The following EPM2A variants were observed in gnomAD, a reference collection of about 807,000 sequenced individuals.
EPM2A encodes laforin.
In EPM2A, 21 loss-of-function variants were observed where a neutral mutation model predicts 26.5. The observed-to-expected ratio is 0.79, with a 90% CI of 0.56 to 1.14. EPM2A has a LOEUF of 1.14. Ranked by LOEUF, EPM2A falls within the 50% of genes most tolerant of loss-of-function variation. The pLI, the probability that EPM2A is intolerant of heterozygous loss-of-function variation, is 0.00. For missense variants in EPM2A, 458 were observed against 440.8 expected (o/e 1.04, Z -0.35); for synonymous variants, 217 against 177.6 (o/e 1.22, Z -1.76).
intron 2 of EPM2A, among the ~76,000 whole-genome samples, chr6:145,666,959 A>C (rs1339006268): frequency 7.7e-6 from 1 of 130,218 alleles, no homozygotes; most frequent in Non-Finnish European, 1.6e-5. Context: ...CTGGCTAGCC[A>C]TATGTAGAAA....
chr6:145,438,274 G>GGGTGCAGGGCTGAC (rs1238978053), intron 4 of EPM2A, among the ~76,000 whole-genome samples: 1 of 152,130 alleles, frequency 6.6e-6, no homozygotes, highest in Non-Finnish European at 1.5e-5. Context: ...TGGAGAAGCA[G>GGGTGCAGGGCTGAC]GGTGCAGGGC....
At chr6:145,582,414 T>C (rs1293013186) in intron 2 of EPM2A, among the ~76,000 whole-genome samples, 1 of 152,200 alleles carries the variant, frequency 6.6e-6, no homozygotes, top group Non-Finnish European at 1.5e-5. Context: ...GCACATTCTG[T>C]TGTTTTGGCA....
At chr6:145,660,659 G>T (rs1778628607) in intron 2 of EPM2A, among the ~76,000 whole-genome samples, 1 of 152,184 alleles carries the variant, frequency 6.6e-6, no homozygotes, top group African/African-American at 2.4e-5. Flanking sequence ...AAAATTAGCT[G>T]GGCATGGTGG....
chr6:145,553,074 T>A (rs1456916907), intron 2 of EPM2A, among the ~76,000 whole-genome samples: 1 of 152,052 alleles, frequency 6.6e-6, no homozygotes, highest in African/African-American at 2.4e-5. Context: ...AATTGAATCA[T>A]GAGGGCAGTT....
At chr6:145,402,729 G>A (rs1368962491) in intron 4 of EPM2A, among the ~76,000 whole-genome samples, 1 of 152,098 alleles carries the variant, frequency 6.6e-6, no homozygotes, top group Non-Finnish European at 1.5e-5. Context: ...TTAACATTTG[G>A]TCTACCTGGG....
At chr6:145,573,087 C>A (rs1339511625) in intron 2 of EPM2A, among the ~76,000 whole-genome samples, 2 of 152,220 alleles carry the variant, frequency 1.3e-5, no homozygotes. Context: ...CATCCTCTGG[C>A]ATGCAAATGT....
At chr6:145,419,186 C>G (rs948627523) in intron 4 of EPM2A, among the ~76,000 whole-genome samples, 31 of 149,772 alleles carry the variant, frequency 2.1e-4, no homozygotes, top group Non-Finnish European at 2.5e-4. Flanking sequence ...AATGTCCCCC[C>G]CCCCCGCTCC....
In EPM2A at chr6:145,490,104, A is replaced by T. The variant is rs1779735794; in HGVS notation, c.555+12418T>A. The T allele has an allele frequency of 3.2e-6, 4 of 1,233,374 alleles. No homozygotes were observed. In the South Asian group the frequency reaches 4.3e-5, roughly 13 times the overall value. The allele number at this position is 1,233,374 out of a possible 1,614,324, so 76.4% of individuals were successfully genotyped here. On this transcript the variant is annotated intron_variant, in intron 4 of 4. Transcript: ENST00000638717. The stretch of plus-strand genomic sequence containing the variant: ...AGCACACGCACCTTCCCAATTTGTT[A>T]TATAATAGTCATTGATATGTCACAG...
chr6:145,490,651 A>G, intron 4 of EPM2A: 1 of 630,598 alleles, frequency 1.6e-6, no homozygotes, highest in Non-Finnish European at 3.1e-6. Context: ...TTCACACTTG[A>G]AACTCTCAGT....
At chr6:145,620,012 C>T (rs1004524443) in intron 2 of EPM2A, among the ~76,000 whole-genome samples, 9 of 152,136 alleles carry the variant, frequency 5.9e-5, no homozygotes, top group African/African-American at 1.9e-4. Flanking sequence ...ATATGAGGTG[C>T]TGAGCAGTAA....
intron 2 of EPM2A, chr6:145,635,858 T>G (rs1487451300): frequency 5.2e-6 from 1 of 193,384 alleles, no homozygotes; most frequent in African/African-American, 2.4e-5. Flanking sequence ...TTCCTGTAAT[T>G]ATATAAATAA....
chr6:145,729,319 T>C (rs1419519103), intron 1 of EPM2A, among the ~76,000 whole-genome samples: 1 of 152,046 alleles, frequency 6.6e-6, no homozygotes, highest in Non-Finnish European at 1.5e-5. Flanking sequence ...GACACCACAA[T>C]GGTAGATTCA....
intron 4 of EPM2A, among the ~76,000 whole-genome samples, chr6:145,425,631 C>CAA (rs35954002): frequency 7.3e-6 from 1 of 137,152 alleles, no homozygotes; most frequent in Non-Finnish European, 1.6e-5. Flanking sequence ...TTGAGAATGG[C>CAA]AAAAAAAAAA....
chr6:145,542,607 C>T (rs552559845), intron 2 of EPM2A, among the ~76,000 whole-genome samples: 2 of 152,180 alleles, frequency 1.3e-5, no homozygotes, highest in Non-Finnish European at 2.9e-5. Context: ...AGCATATTCA[C>T]CTGATGTCAT....
chr6:145,639,630 T>TATG (rs1352240188), intron 2 of EPM2A: 10 of 152,180 alleles, frequency 6.6e-5, no homozygotes, highest in African/African-American at 2.2e-4. Flanking sequence ...AAAAATGGGC[T>TATG]TCCTCAGTCT....
At chr6:145,421,780 T>TA (rs1246139905) in intron 4 of EPM2A, among the ~76,000 whole-genome samples, 2 of 151,586 alleles carry the variant, frequency 1.3e-5, no homozygotes, top group African/African-American at 4.8e-5. Context: ...TATTTTAAGT[T>TA]AAAAAAACAG....
intron 4 of EPM2A, among the ~76,000 whole-genome samples, chr6:145,475,182 C>T (rs1354183401): frequency 3.3e-5 from 5 of 152,028 alleles, no homozygotes; most frequent in Admixed American, 1.3e-4. Context: ...ATGTTTTTTG[C>T]AGCACTGTTC....
intron 2 of EPM2A, among the ~76,000 whole-genome samples, chr6:145,511,849 A>T (rs1471009987): frequency 6.6e-6 from 1 of 152,218 alleles, no homozygotes; most frequent in Non-Finnish European, 1.5e-5. Context: ...ACATGATCAC[A>T]TACCTACAAA....
At chr6:145,500,307 T>C (rs1779872866), downstream of EPM2A, among the ~76,000 whole-genome samples, 1 of 152,224 alleles carries the variant, frequency 6.6e-6, no homozygotes, top group Non-Finnish European at 1.5e-5. Flanking sequence ...AATTCTTCTT[T>C]GTTTGATTTT....
Sources: gnomAD v4.1 joint callset for allele counts (sites outside exome capture counted in the v4.1 genomes callset) on GRCh38, gnomAD v4.1.1 for gene constraint, MANE v1.5 for transcripts, NCBI Gene and HGNC (gene_info 2026-07-23, HGNC 2026-07-21) for gene names.